UVRAG: variants seen among roughly 807,000 people sequenced by gnomAD.
UVRAG encodes UV radiation resistance-associated gene protein.
Under a neutral mutation model 78.0 loss-of-function variants are expected in UVRAG, and 19 were observed. That is an observed-to-expected ratio of 0.24 (90% CI 0.17 to 0.36). The LOEUF (loss-of-function observed/expected upper bound fraction) is 0.36, where lower values mean the gene tolerates loss of function less well. Among genes scored for constraint, UVRAG ranks in the 10% least tolerant of loss-of-function variants. The probability of loss-of-function intolerance (pLI) is 1.00; values close to 1 mark genes in which losing one functional copy is unlikely to be tolerated. For missense variants in UVRAG, 740 were observed against 853.8 expected, an observed-to-expected ratio of 0.87 and a Z score of 1.66; for synonymous variants, 323 against 324.6, an observed-to-expected ratio of 1.00 and a Z score of 0.05.
intron 6 of UVRAG, chr11:75,914,082 G>T (rs1290933919): frequency 1.3e-5 from 2 of 152,210 alleles, no homozygotes; most frequent in African/African-American, 4.8e-5. Context: ...TGAACCCAGG[G>T]AGTTGTTCTG....
At chr11:75,888,067 T>C (rs533640001) in intron 4 of UVRAG, among the ~76,000 whole-genome samples, 2 of 152,354 alleles carry the variant, frequency 1.3e-5, no homozygotes, top group East Asian at 3.9e-4. Flanking sequence ...TTGGATACTA[T>C]TGCTTTTTTA....
chr11:75,844,630 A>G (rs960863246), intron 1 of UVRAG, among the ~76,000 whole-genome samples: 1 of 151,664 alleles, frequency 6.6e-6, no homozygotes, highest in African/African-American at 2.4e-5. Context: ...TGATTGTGAT[A>G]CTAATATTTT....
At chr11:75,916,229 G>A (rs1261317328) in intron 6 of UVRAG, 1 of 152,176 alleles carries the variant, frequency 6.6e-6, no homozygotes, top group Non-Finnish European at 1.5e-5. Context: ...ACTGCCATGT[G>A]TAGGTAGACT....
chr11:75,990,827 A>G (rs1949590908), intron 8 of UVRAG, among the ~76,000 whole-genome samples: 1 of 152,194 alleles, frequency 6.6e-6, no homozygotes, highest in Non-Finnish European at 1.5e-5. Flanking sequence ...GAGGGCAGGC[A>G]CTGTTCAAGG....
intron 5 of UVRAG, among the ~76,000 whole-genome samples, chr11:75,906,607 C>G (rs765490781): frequency 1.1e-4 from 17 of 152,198 alleles, no homozygotes; most frequent in Non-Finnish European, 2.4e-4. Context: ...CTCAGCCTCT[C>G]AAAGTGCTGG....
At chr11:76,082,632 C>T (rs1398486221) in intron 13 of UVRAG, among the ~76,000 whole-genome samples, 1 of 151,774 alleles carries the variant, frequency 6.6e-6, no homozygotes, top group Non-Finnish European at 1.5e-5. Context: ...AAATAATTGC[C>T]ATTACAAAGG....
chr11:76,118,330 A>G (rs1029904620), intron 14 of UVRAG, among the ~76,000 whole-genome samples: 1 of 152,150 alleles, frequency 6.6e-6, no homozygotes, highest in African/African-American at 2.4e-5. Context: ...TTTTGTGTAT[A>G]CAATCATATT....
At chr11:75,942,586 C>A (rs943887187) in intron 6 of UVRAG, among the ~76,000 whole-genome samples, 1 of 152,008 alleles carries the variant, frequency 6.6e-6, no homozygotes, top group Non-Finnish European at 1.5e-5. Flanking sequence ...ATTTCTTTTT[C>A]AAATGCCGTT....
chr11:76,121,388 C>G (rs1015373784), intron 14 of UVRAG, among the ~76,000 whole-genome samples: 1 of 152,144 alleles, frequency 6.6e-6, no homozygotes, highest in Non-Finnish European at 1.5e-5. Context: ...AATCTGTGCT[C>G]TTTTGAATAC....
At chr11:75,928,301 C>A (rs912405322) in intron 6 of UVRAG, among the ~76,000 whole-genome samples, 1 of 152,132 alleles carries the variant, frequency 6.6e-6, no homozygotes, top group Non-Finnish European at 1.5e-5. Flanking sequence ...GGAAGAATGG[C>A]GTCTATCCCT....
At chr11:75,891,485 A>G (rs1947212239) in intron 5 of UVRAG, among the ~76,000 whole-genome samples, 2 of 152,218 alleles carry the variant, frequency 1.3e-5, no homozygotes, top group Admixed American at 6.5e-5. Context: ...GCATTACTGT[A>G]TATCAAACAC....
intron 6 of UVRAG, among the ~76,000 whole-genome samples, chr11:75,948,417 T>C (rs73493958): frequency 0.041 from 6,218 of 152,112 alleles, 436 homozygotes; most frequent in African/African-American, 0.14. Context: ...GATAAGAGCA[T>C]TGGGAAAGAA....
intron 7 of UVRAG, 98 bp downstream of exon 7, chr11:75,961,647 T>C (rs1034766645): frequency 1.2e-6 from 1 of 869,484 alleles, no homozygotes; most frequent in African/African-American, 1.8e-5. Context: ...TTAGATCGTT[T>C]TTATCTTCTT....
At chr11:75,874,827 A>G (rs1049140351) in intron 3 of UVRAG, among the ~76,000 whole-genome samples, 2 of 152,232 alleles carry the variant, frequency 1.3e-5, no homozygotes, top group South Asian at 2.1e-4. Flanking sequence ...ATGCAGTTCA[A>G]CAACGTGGCT....
intron 6 of UVRAG, among the ~76,000 whole-genome samples, chr11:75,956,847 C>T (rs979358239): frequency 2.0e-5 from 3 of 152,064 alleles, no homozygotes; most frequent in Admixed American, 1.3e-4. Context: ...CTTTGAGTGA[C>T]TTTTCCTGTG....
intron 6 of UVRAG, among the ~76,000 whole-genome samples, chr11:75,956,166 A>G (rs1253818832): frequency 6.6e-6 from 1 of 152,052 alleles, no homozygotes; most frequent in African/African-American, 2.4e-5. Context: ...ATATACCTCA[A>G]TCTGTTGATT....
At chr11:76,132,741 G>A (rs116729566) in intron 14 of UVRAG, among the ~76,000 whole-genome samples, 1,550 of 152,214 alleles carry the variant, frequency 0.01, 36 homozygotes, top group African/African-American at 0.035. Flanking sequence ...GTCTTAGAAA[G>A]TCAAAAGAGC....
chr11:75,871,907 T>C (rs1416875450), intron 3 of UVRAG, among the ~76,000 whole-genome samples: 3 of 152,162 alleles, frequency 2.0e-5, no homozygotes, highest in Non-Finnish European at 2.9e-5. Context: ...TATGTTGTGG[T>C]TTTAGTTTAG....
chr11:76,031,151 CATT>C (rs1254364924), intron 12 of UVRAG, among the ~76,000 whole-genome samples: 1 of 152,168 alleles, frequency 6.6e-6, no homozygotes, highest in Non-Finnish European at 1.5e-5. Context: ...CCAGGACAAT[CATT>C]ATTTCATAGA....
Sources: gnomAD v4.1 joint callset for allele counts (sites outside exome capture counted in the v4.1 genomes callset) on GRCh38, gnomAD v4.1.1 for gene constraint, MANE v1.5 for transcripts, NCBI Gene and HGNC (gene_info 2026-07-23, HGNC 2026-07-21) for gene names.